The following TENM3 variants were observed in gnomAD, a reference collection of about 807,000 sequenced individuals.
The protein encoded by TENM3 is teneurin transmembrane protein 3, also known as teneurin-3.
Under a neutral mutation model 255.1 loss-of-function variants are expected in TENM3, and 63 were observed. That is an observed-to-expected ratio of 0.25 (90% CI 0.20 to 0.30). TENM3 has a LOEUF of 0.30. Ranked by LOEUF, TENM3 falls within the 10% of genes least tolerant of loss-of-function variation. The pLI, the probability that TENM3 is intolerant of heterozygous loss-of-function variation, is 1.00. For synonymous variants in TENM3, 1,306 were observed against 1,322.3 expected, an observed-to-expected ratio of 0.99 and a Z score of 0.27; for missense variants, 2,929 against 3,461.1, an observed-to-expected ratio of 0.85 and a Z score of 3.86.
chr4:181,572,423 A>G, the TENM3 span, among the ~76,000 whole-genome samples: 1 of 152,222 alleles, frequency 6.6e-6, no homozygotes, highest in South Asian at 2.1e-4. Context: ...TTCAGTTAGA[A>G]AAAGAAAAAA....
chr4:181,836,504 A>G, the TENM3 span, among the ~76,000 whole-genome samples: 1 of 152,180 alleles, frequency 6.6e-6, no homozygotes, highest in East Asian at 1.9e-4. Flanking sequence ...CTTTTTTCAT[A>G]TGAATGACTG....
At chr4:181,582,803 A>T in the TENM3 span, among the ~76,000 whole-genome samples, 1 of 152,212 alleles carries the variant, frequency 6.6e-6, no homozygotes, top group African/African-American at 2.4e-5. Flanking sequence ...CTGGTAGCCA[A>T]GGTGCTCCAT....
At chr4:181,674,466 C>G in the TENM3 span, among the ~76,000 whole-genome samples, 1 of 149,252 alleles carries the variant, frequency 6.7e-6, no homozygotes, top group Non-Finnish European at 1.5e-5. Context: ...CTGAGTCAGA[C>G]AACATCAAAT....
chr4:181,904,291 CCA>C, the TENM3 span, among the ~76,000 whole-genome samples: 1 of 151,978 alleles, frequency 6.6e-6, no homozygotes, highest in African/African-American at 2.4e-5. Flanking sequence ...TCTTTCTTCC[CCA>C]GAGCCTATGA....
chr4:181,609,196 T>A, the TENM3 span, among the ~76,000 whole-genome samples: 2 of 152,170 alleles, frequency 1.3e-5, no homozygotes, highest in Non-Finnish European at 2.9e-5. Context: ...GAGGCCGTTT[T>A]TATGAGCTCC....
intron 3 of TENM3, among the ~76,000 whole-genome samples, chr4:182,558,919 A>G (rs1192397284): frequency 6.6e-6 from 1 of 152,158 alleles, no homozygotes; most frequent in Non-Finnish European, 1.5e-5. Flanking sequence ...ATGTAAAAGA[A>G]TAATCCAAAT....
rs1755543214 is a variant in TENM3 at position 182,217,182 on chromosome 4, A to G, written c.-76+72428A>G. ...ATTACAGGTGCCCACCACCATGTCCAGCTAATTTTTGTATTTTTAGTAGAG... is the reference window on the plus strand; with the variant it reads ...ATTACAGGTGCCCACCACCATGTCCGGCTAATTTTTGTATTTTTAGTAGAG... On this transcript the variant is annotated intron_variant, in intron 1 of 2. Coordinates refer to the TENM3 transcript ENST00000512480. 2.0e-5 allele frequency among the ~76,000 whole-genome samples: 3 copies of G among 151,398 alleles called. No individual in the cohort carries two copies. In the South Asian group the frequency reaches 6.3e-4, roughly 32 times the overall value.
chr4:182,537,854 A>G (rs763719099), intron 3 of TENM3, among the ~76,000 whole-genome samples: 10 of 152,182 alleles, frequency 6.6e-5, no homozygotes, highest in Non-Finnish European at 1.2e-4. Context: ...GTGAATGTGC[A>G]CAGATGCAAA....
intron 3 of TENM3, among the ~76,000 whole-genome samples, chr4:182,537,428 T>C (rs993458555): frequency 3.9e-5 from 6 of 152,262 alleles, no homozygotes; most frequent in African/African-American, 1.4e-4. Flanking sequence ...TTTTACCAAT[T>C]GTTTGCACCA....
the TENM3 span, among the ~76,000 whole-genome samples, chr4:182,106,906 G>C: frequency 6.6e-6 from 1 of 152,018 alleles, no homozygotes; most frequent in Non-Finnish European, 1.5e-5. Context: ...CAAAAACTTG[G>C]AATATTGAAG....
the TENM3 span, chr4:182,084,955 T>C: frequency 6.6e-6 from 1 of 152,180 alleles, no homozygotes; most frequent in African/African-American, 2.4e-5. Flanking sequence ...ATCACCCTTC[T>C]GAACCGTATG....
At chr4:181,513,549 G>A in the TENM3 span, among the ~76,000 whole-genome samples, 787 of 152,254 alleles carry the variant, frequency 5.2e-3, 9 homozygotes, top group African/African-American at 0.018. Context: ...AGAAAAGGAA[G>A]GAAATAGTCC....
chr4:182,514,715 A>G (rs917770153), intron 3 of TENM3, among the ~76,000 whole-genome samples: 8 of 152,124 alleles, frequency 5.3e-5, no homozygotes, highest in Admixed American at 2.0e-4. Flanking sequence ...AAAGGGCACA[A>G]CTCACTCTTT....
intron 1 of TENM3, among the ~76,000 whole-genome samples, chr4:182,196,099 C>G (rs1753819345): frequency 6.6e-6 from 1 of 152,118 alleles, no homozygotes. Context: ...TGCTTGGAGT[C>G]TCCTAAGCAT....
At chr4:182,736,749 AT>A in intron 16 of TENM3, 58 bp from the exon 17 acceptor site, 1 of 1,446,778 alleles carries the variant, frequency 6.9e-7, no homozygotes, top group Non-Finnish European at 9.3e-7. Context: ...ACATAAATAT[AT>A]TTTATCTAAT....
chr4:181,786,337 C>A, the TENM3 span, among the ~76,000 whole-genome samples: 4 of 152,134 alleles, frequency 2.6e-5, no homozygotes, highest in Admixed American at 2.0e-4. Flanking sequence ...ATAAGACACA[C>A]AAAATGTATT....
intron 1 of TENM3, among the ~76,000 whole-genome samples, chr4:182,211,497 A>C (rs999019604): frequency 1.3e-5 from 2 of 152,242 alleles, no homozygotes; most frequent in Non-Finnish European, 2.9e-5. Flanking sequence ...CTATAGTCTG[A>C]GACTGAATTT....
At chr4:182,513,903 T>C (rs1172156081) in intron 3 of TENM3, among the ~76,000 whole-genome samples, 1 of 152,212 alleles carries the variant, frequency 6.6e-6, no homozygotes, top group Non-Finnish European at 1.5e-5. Context: ...TACAGAGAGC[T>C]CTTGTGCCTC....
chr4:181,979,008 G>T, the TENM3 span, among the ~76,000 whole-genome samples: 169 of 145,882 alleles, frequency 1.2e-3, 2 homozygotes, highest in African/African-American at 3.9e-3. Context: ...ATCTGTAAAA[G>T]GAGAAATATT....
Sources: allele counts gnomAD v4.1 joint callset (sites outside exome capture counted in the v4.1 genomes callset), GRCh38; gene constraint gnomAD v4.1.1; transcripts MANE v1.5; gene names NCBI Gene and HGNC (gene_info 2026-07-23, HGNC 2026-07-21).